SLC22A24: variants seen among roughly 807,000 people sequenced by gnomAD.
SLC22A24 encodes the protein steroid transmembrane transporter SLC22A24.
Under a neutral mutation model 49.8 loss-of-function variants are expected in SLC22A24, and 53 were observed. The ratio of observed to expected loss-of-function variants is 1.06; its 90% CI spans 0.85 to 1.34. The LOEUF (loss-of-function observed/expected upper bound fraction) is 1.34, where lower values mean the gene tolerates loss of function less well. Ranked by LOEUF, SLC22A24 falls within the 40% of genes most tolerant of loss-of-function variation. SLC22A24 has a pLI of 0.00. For missense variants in SLC22A24, 786 were observed against 675.9 expected (o/e 1.16, Z -1.81); for synonymous variants, 302 against 256.4 (o/e 1.18, Z -1.70).
chr11:63,112,421 C>T (rs1318252483), intron 4 of SLC22A24, among the ~76,000 whole-genome samples: 6 of 152,104 alleles, frequency 3.9e-5, no homozygotes, highest in Admixed American at 2.0e-4. Flanking sequence ...CTTTCTGTCT[C>T]GTTGATCTGT....
chr11:63,137,319 A>G (rs1050883581), intron 1 of SLC22A24, among the ~76,000 whole-genome samples: 6 of 152,152 alleles, frequency 3.9e-5, no homozygotes, highest in Non-Finnish European at 8.8e-5. Flanking sequence ...CCTGCTGTCC[A>G]TCTCATCTTT....
At chr11:63,134,909 G>A (rs2087362911) in intron 1 of SLC22A24, 141 bp from the exon 2 acceptor site, 2 of 565,028 alleles carry the variant, frequency 3.5e-6, no homozygotes, top group Admixed American at 3.4e-5. Context: ...TCATCTGCAG[G>A]TACTCTTTTC....
At position 63,143,567 on chromosome 11, in the gene SLC22A24, G is replaced by A. The variant is rs764159869; in HGVS notation, c.213C>T (p.Asp71=). 1.3e-6 allele frequency: 2 copies of A among 1,574,116 alleles called. No homozygotes were observed. Among genetic ancestry groups the A allele is most frequent in the South Asian group, 1.2e-5 (1 of 83,550 alleles). Residue 71 remains aspartate, a synonymous_variant, in exon 1 of 10, where the codon GAC becomes GAT. Transcript: ENST00000612278. ...DNDTGTLSKD[D]LLRISIPLDS... ...CCAGTGGGATGGAGATTCTCAGGAG[G>A]TCATCCTTGCTGAGGGTCCCGGTAT...
chr11:63,128,711 C>A (rs953203843), intron 2 of SLC22A24, among the ~76,000 whole-genome samples: 1 of 152,180 alleles, frequency 6.6e-6, no homozygotes, highest in Non-Finnish European at 1.5e-5. Context: ...GGGAAGGGCC[C>A]CCGTCCAGTG....
intron 2 of SLC22A24, among the ~76,000 whole-genome samples, chr11:63,119,801 T>C (rs1052995167): frequency 6.6e-6 from 1 of 152,144 alleles, no homozygotes; most frequent in African/African-American, 2.4e-5. Context: ...AAGTTGCAGA[T>C]AGGCTGCATA....
At chr11:63,107,940 A>G (rs1267898051) in intron 4 of SLC22A24, among the ~76,000 whole-genome samples, 2 of 151,008 alleles carry the variant, frequency 1.3e-5, no homozygotes, top group African/African-American at 2.4e-5. Context: ...TCTCCTGCCT[A>G]ATTGCCCTGG....
intron 2 of SLC22A24, among the ~76,000 whole-genome samples, chr11:63,133,672 C>T (rs1010832145): frequency 6.6e-6 from 1 of 151,720 alleles, no homozygotes; most frequent in African/African-American, 2.4e-5. Context: ...GACAGTGTCT[C>T]GCTTTGTTGC....
rs139943221 is a variant in SLC22A24 at position 63,127,548 on chromosome 11, C to T, written c.506+7117G>A. ...TTCTAGTTCTAGAACCTTGAGGAAT[C>T]GCCACACTATCTTCCACAATGGTTG... On this transcript the variant is annotated intron_variant, in intron 2 of 9. Transcript: ENST00000612278. Among the ~76,000 whole-genome samples the T allele has an allele frequency of 4.2e-3, 646 of 152,234 alleles. 4 individuals are homozygous for T. The highest frequency in any genetic ancestry group is 0.014 in the African/African-American group (581 of 41,546).
chr11:63,104,104 A>G (rs2087106443), intron 5 of SLC22A24, 71 bp downstream of exon 5: 1 of 1,505,450 alleles, frequency 6.6e-7, no homozygotes, highest in Admixed American at 2.0e-5. Flanking sequence ...CACTCCAGGA[A>G]CCTAGACTAG....
chr11:63,099,118 T>C (rs2087074174), intron 5 of SLC22A24, among the ~76,000 whole-genome samples: 1 of 152,076 alleles, frequency 6.6e-6, no homozygotes, highest in Admixed American at 6.6e-5. Context: ...GAAGCCACAA[T>C]ACAAAGTCTC....
chr11:63,115,113 C>T (rs971371090), intron 4 of SLC22A24, among the ~76,000 whole-genome samples: 71 of 152,200 alleles, frequency 4.7e-4, no homozygotes, highest in Non-Finnish European at 5.9e-5. Flanking sequence ...CAGACAGAGA[C>T]GTTTAAGTCT....
intron 1 of SLC22A24, among the ~76,000 whole-genome samples, chr11:63,136,257 C>T (rs1489648653): frequency 1.3e-5 from 2 of 152,176 alleles, no homozygotes; most frequent in Non-Finnish European, 2.9e-5. Flanking sequence ...AAAAAAAGGT[C>T]ATGGTCACTG....
At chr11:63,116,025 C>A in intron 4 of SLC22A24, 1 of 332,260 alleles carries the variant, frequency 3.0e-6, no homozygotes. Context: ...AGCCTACTTC[C>A]CAAGCTTGAG....
chr11:63,122,294 C>A (rs1000036229), intron 2 of SLC22A24, among the ~76,000 whole-genome samples: 1 of 152,140 alleles, frequency 6.6e-6, no homozygotes, highest in African/African-American at 2.4e-5. Context: ...AAATTAAAGA[C>A]CTGCAATAAA....
chr11:63,085,549 G>T (rs2086982387), intron 6 of SLC22A24, among the ~76,000 whole-genome samples: 2 of 152,258 alleles, frequency 1.3e-5, no homozygotes, highest in Admixed American at 6.5e-5. Context: ...AAATCAATTT[G>T]CATAGTTCCA....
intron 4 of SLC22A24, among the ~76,000 whole-genome samples, chr11:63,107,119 G>C (rs866924916): frequency 5.9e-5 from 9 of 152,254 alleles, no homozygotes; most frequent in Admixed American, 2.0e-4. Flanking sequence ...AAGGTGTAAG[G>C]AAGGGATCCA....
At chr11:63,105,887 C>T (rs1033290986) in intron 4 of SLC22A24, among the ~76,000 whole-genome samples, 10 of 152,004 alleles carry the variant, frequency 6.6e-5, no homozygotes, top group Non-Finnish European at 1.5e-4. Context: ...ATTTTTCAAA[C>T]ATTTATGCAC....
chr11:63,108,834 T>G (rs1206483546), intron 4 of SLC22A24, among the ~76,000 whole-genome samples: 1 of 151,364 alleles, frequency 6.6e-6, no homozygotes, highest in Admixed American at 6.6e-5. Context: ...TCCTTTTGTC[T>G]TTACATTTCT....
At chr11:63,082,533 G>C (rs2135190460) in intron 7 of SLC22A24, among the ~76,000 whole-genome samples, 1 of 152,324 alleles carries the variant, frequency 6.6e-6, no homozygotes, top group African/African-American at 2.4e-5. Context: ...AATCATTACA[G>C]AAGGTCATTC....
Sources: allele counts gnomAD v4.1 joint callset (sites outside exome capture counted in the v4.1 genomes callset), GRCh38; gene constraint gnomAD v4.1.1; transcripts MANE v1.5; gene names NCBI Gene and HGNC (gene_info 2026-07-23, HGNC 2026-07-21).